The following MYH15 variants were observed in gnomAD, a reference collection of about 807,000 sequenced individuals.
The protein encoded by MYH15 is myosin-15.
In MYH15, 227 loss-of-function variants were observed where a neutral mutation model predicts 240.5. The ratio of observed to expected loss-of-function variants is 0.94; its 90% CI spans 0.85 to 1.05. The LOEUF is 1.05. Ranked by LOEUF, MYH15 falls within the 50% of genes least tolerant of loss-of-function variation. The pLI is 0.00. For synonymous variants in MYH15, 785 were observed against 796.7 expected (o/e 0.99, Z 0.25); for missense variants, 2,217 against 2,247.5 (o/e 0.99, Z 0.27).
Position 108,527,771 on chromosome 3 carries a change from C to T in MYH15, c.-58+1492G>A, listed in dbSNP as rs74897037. 8.4e-3 allele frequency among the ~76,000 whole-genome samples: 1,276 copies of T among 152,286 alleles called. 11 individuals carry two copies. Among genetic ancestry groups the T allele is most frequent in the Non-Finnish European group, 0.015 (1,001 of 68,016 alleles). On this transcript the variant is annotated intron_variant, in intron 1 of 41. Coordinates refer to the MYH15 transcript ENST00000273353. ...GTGTGAATCATAACTCTGTTCTTGTCTAACTAGGTGATGCTGAGCAATTCT... is the reference window on the plus strand; with the variant it reads ...GTGTGAATCATAACTCTGTTCTTGTTTAACTAGGTGATGCTGAGCAATTCT...
At chr3:108,538,914 A>G in the MYH15 span, among the ~76,000 whole-genome samples, 18 of 152,176 alleles carry the variant, frequency 1.2e-4, no homozygotes, top group Non-Finnish European at 2.4e-4. Context: ...CAGAGAGTGG[A>G]AGGGCAATGG....
upstream of MYH15, among the ~76,000 whole-genome samples, chr3:108,511,503 C>G (rs923240514): frequency 6.6e-6 from 1 of 152,136 alleles, no homozygotes; most frequent in African/African-American, 2.4e-5. Context: ...CCACTGTATA[C>G]CAAACACTGG....
chr3:108,416,514 T>C (rs1232107513), intron 29 of MYH15, among the ~76,000 whole-genome samples: 1 of 152,208 alleles, frequency 6.6e-6, no homozygotes, highest in African/African-American at 2.4e-5. Flanking sequence ...TTTCACTTTT[T>C]TATGAGCAGT....
intron 30 of MYH15, among the ~76,000 whole-genome samples, chr3:108,411,742 T>C (rs2082594787): frequency 6.6e-6 from 1 of 152,210 alleles, no homozygotes; most frequent in Non-Finnish European, 1.5e-5. Flanking sequence ...AAGTACTGTA[T>C]GTACCAAAGC....
intron 19 of MYH15, 66 bp from the exon 20 acceptor site, chr3:108,455,925 A>G (rs1158434050): frequency 1.4e-6 from 2 of 1,480,414 alleles, no homozygotes; most frequent in Admixed American, 3.5e-5. Context: ...AGACTAATCT[A>G]GACAAATGAG....
At chr3:108,549,264 C>A in the MYH15 span, among the ~76,000 whole-genome samples, 2 of 150,768 alleles carry the variant, frequency 1.3e-5, no homozygotes, top group Admixed American at 6.6e-5. Context: ...TATTTACACA[C>A]ACTTTTGCTT....
intron 11 of MYH15, among the ~76,000 whole-genome samples, chr3:108,477,069 T>C (rs1258938708): frequency 6.6e-6 from 1 of 152,228 alleles, no homozygotes; most frequent in Non-Finnish European, 1.5e-5. Flanking sequence ...TGGGAAAAAG[T>C]GAAATGTCCA....
intron 14 of MYH15, among the ~76,000 whole-genome samples, chr3:108,465,276 C>T (rs1272953790): frequency 1.3e-5 from 2 of 152,118 alleles, no homozygotes; most frequent in Non-Finnish European, 2.9e-5. Flanking sequence ...ACAAGTATTC[C>T]AGGCAGAAAA....
chr3:108,459,364 G>T lies in MYH15; in HGVS notation c.2018C>A (p.Pro673Gln). The part of the protein sequence containing the change: ...RCINPNVNKI[P>Q]GILDPYLVLQ... ...TTACAAAGAAATCTAGTTCTTACCTGGTATTTTGTTCACATTGGGATTTAT... is the reference window on the plus strand; with the variant it reads ...TTACAAAGAAATCTAGTTCTTACCTTGTATTTTGTTCACATTGGGATTTAT... Residue 673 changes from proline to glutamine, a missense_variant and splice_region_variant, in exon 18 of 41, where the codon CCA becomes CAA. Transcript: ENST00000693548. The T allele has an allele frequency of 3.8e-6, 6 of 1,566,506 alleles. No individual in the cohort carries two copies. The highest frequency in any genetic ancestry group is 5.2e-6 in the Non-Finnish European group (6 of 1,148,222).
At chr3:108,445,166 C>T (rs1194568816) in intron 21 of MYH15, among the ~76,000 whole-genome samples, 2 of 152,158 alleles carry the variant, frequency 1.3e-5, no homozygotes, top group African/African-American at 2.4e-5. Flanking sequence ...GAGAGTAAGA[C>T]ATATAGAAGG....
the MYH15 span, among the ~76,000 whole-genome samples, chr3:108,548,805 T>C: frequency 6.6e-6 from 1 of 152,206 alleles, no homozygotes; most frequent in South Asian, 2.1e-4. Context: ...AAGTAGAAAT[T>C]CAAACATATT....
intron 27 of MYH15, among the ~76,000 whole-genome samples, chr3:108,422,462 C>T (rs926600107): frequency 6.6e-6 from 1 of 152,072 alleles, no homozygotes; most frequent in Non-Finnish European, 1.5e-5. Flanking sequence ...GTGATCCACC[C>T]GCCTCAGCTT....
rs530561032 is a variant in MYH15 at position 108,466,667 on chromosome 3, T to G, written c.1555-1853A>C. 7.9e-5 allele frequency among the ~76,000 whole-genome samples: 12 copies of G among 152,324 alleles called. No individual in the cohort carries two copies. The East Asian group carries it at 2.3e-3, about 29-fold the overall frequency. On this transcript the variant is annotated intron_variant, in intron 14 of 40. Coordinates refer to ENST00000693548, the MANE Select transcript of MYH15 (RefSeq NM_014981.3). ...CATGAAATTATTCAAACAAGCCTGT[T>G]GCATCCTTCTGTAGGATTCTATTGT...
chr3:108,504,422 A>AACTAC (rs1217389677), intron 2 of MYH15, among the ~76,000 whole-genome samples: 2 of 152,230 alleles, frequency 1.3e-5, no homozygotes, highest in Non-Finnish European at 2.9e-5. Context: ...ACTGTCAGGA[A>AACTAC]GACATATGAA....
chr3:108,410,749 C>T lies in MYH15; in HGVS notation c.4329G>A (p.Lys1443=). The change falls in exon 31 of 41, where the codon AAG becomes AAA. Residue 1443 remains lysine (K), a synonymous_variant. Coordinates refer to ENST00000693548, the MANE Select transcript of MYH15 (RefSeq NM_014981.3). ...GCTTCTGCTTCCAGTCGGCAAGGGC[C>T]TTGCCAGACTGCAGCTGCTTCTGGT... The part of the protein sequence containing the change: ...RLDQKQLQSG[K]ALADWKQKHE... 6.2e-7 allele frequency: 1 copy of T among 1,614,152 alleles called. No individual in the cohort carries two copies. The highest frequency in any genetic ancestry group is 8.5e-7 in the Non-Finnish European group (1 of 1,180,040).
chr3:108,495,156 T>G (rs1328659209), intron 7 of MYH15, among the ~76,000 whole-genome samples: 2 of 152,194 alleles, frequency 1.3e-5, no homozygotes, highest in Non-Finnish European at 2.9e-5. Flanking sequence ...TTCTGCAAAT[T>G]TTCTTGTAAA....
intron 30 of MYH15, among the ~76,000 whole-genome samples, chr3:108,412,673 T>C (rs1244705766): frequency 6.6e-6 from 1 of 152,224 alleles, no homozygotes. Flanking sequence ...ATCTCGAATA[T>C]GTAAAGGGAT....
Position 108,417,796 on chromosome 3 carries a change from TACACACACAC to T in MYH15, c.3830-876_3830-867del, listed in dbSNP as rs34957697. On this transcript the variant is annotated intron_variant, in intron 28 of 40. Transcript: ENST00000693548. ...ACACGTACAGGTATGTATATATATA[TACACACACAC>T]ACACACACACACACACACACATATA... Among the ~76,000 whole-genome samples, 108 of 147,040 alleles carry T rather than the reference TACACACACAC, an allele frequency of 7.3e-4. 1 individual carries two copies. The highest frequency in any genetic ancestry group is 2.8e-3 in the East Asian group (14 of 5,082).
At chr3:108,458,841 T>C (rs775810242) in intron 18 of MYH15, among the ~76,000 whole-genome samples, 46 of 151,178 alleles carry the variant, frequency 3.0e-4, no homozygotes, top group African/African-American at 8.5e-4. Flanking sequence ...CAGAGTTACA[T>C]AACTAAAAAA....
Sources: gnomAD v4.1 joint callset for allele counts (sites outside exome capture counted in the v4.1 genomes callset) on GRCh38, gnomAD v4.1.1 for gene constraint, MANE v1.5 for transcripts, NCBI Gene and HGNC (gene_info 2026-07-23, HGNC 2026-07-21) for gene names.